RAPGEF1: variants seen among roughly 807,000 people sequenced by gnomAD.
RAPGEF1 encodes the protein CRK SH3-binding GNRP.
In RAPGEF1, 33 loss-of-function variants were observed where a neutral mutation model predicts 143.3. The observed-to-expected ratio is 0.23, with a 90% confidence interval of 0.17 to 0.31. The LOEUF (loss-of-function observed/expected upper bound fraction) is 0.31. Ranked by LOEUF, RAPGEF1 falls within the 10% of genes least tolerant of loss-of-function variation. The probability of loss-of-function intolerance (pLI) is 1.00; values close to 1 mark genes in which losing one functional copy is unlikely to be tolerated. For synonymous variants in RAPGEF1, 629 were observed against 676.5 expected, an observed-to-expected ratio of 0.93 and a Z score of 1.09; for missense variants, 1,199 against 1,645.4, an observed-to-expected ratio of 0.73 and a Z score of 4.69.
At chr9:131,728,179 A>T (rs1184025278) in intron 1 of RAPGEF1, among the ~76,000 whole-genome samples, 1 of 152,206 alleles carries the variant, frequency 6.6e-6, no homozygotes, top group African/African-American at 2.4e-5. Context: ...TTTACTGTGA[A>T]AGTTAATCAA....
At chr9:131,654,905 G>A (rs751257327) in intron 1 of RAPGEF1, among the ~76,000 whole-genome samples, 6 of 152,126 alleles carry the variant, frequency 3.9e-5, no homozygotes, top group Non-Finnish European at 7.4e-5. Context: ...TGAAAATTAA[G>A]CAACAAAACA....
Position 131,638,725 on chromosome 9 carries a change from G to A in RAPGEF1, c.561C>T (p.Asp187=), listed in dbSNP as rs776689445. The change falls in exon 5 of 27, where the codon GAC becomes GAT. Residue 187 remains aspartate, a synonymous_variant. Coordinates refer to ENST00000683357, the MANE Select transcript of RAPGEF1 (RefSeq NM_001377935.1). The stretch of plus-strand genomic sequence containing the variant: ...AGTTCACGCCTTCCAGCATCACTTG[G>A]TCAGACCAGCGAATGAGGTTGGCGA... ...QSLANLIRWS[D]QVMLEGVNSE... The A allele has an allele frequency of 1.9e-6, 3 of 1,614,020 alleles. No individual in the cohort carries two copies. The highest frequency in any genetic ancestry group is 1.7e-6 in the Non-Finnish European group (2 of 1,179,884).
chr9:131,673,498 T>C (rs1831734760), intron 1 of RAPGEF1, among the ~76,000 whole-genome samples: 1 of 152,236 alleles, frequency 6.6e-6, no homozygotes, highest in Non-Finnish European at 1.5e-5. Flanking sequence ...CATTCTAAGA[T>C]GATAACCACC....
intron 17 of RAPGEF1, among the ~76,000 whole-genome samples, chr9:131,595,944 G>A (rs1454252483): frequency 6.6e-6 from 1 of 152,246 alleles, no homozygotes; most frequent in African/African-American, 2.4e-5. Flanking sequence ...AGTCAGGAAA[G>A]GAATCAAAAG....
At chr9:131,706,382 C>T (rs1253417256) in intron 1 of RAPGEF1, among the ~76,000 whole-genome samples, 1 of 152,124 alleles carries the variant, frequency 6.6e-6, no homozygotes, top group East Asian at 1.9e-4. Context: ...CCCACCTCAG[C>T]CTCCTGAGTA....
At position 131,628,032 on chromosome 9, in the gene RAPGEF1, TCTC is replaced by T. The variant is rs753837687; in HGVS notation, c.1079_1081del (p.Gly360del). 6 of 1,564,640 alleles carry T rather than the reference TCTC, an allele frequency of 3.8e-6. No homozygotes were observed. Among genetic ancestry groups the T allele is most frequent in the Non-Finnish European group, 5.2e-6 (6 of 1,155,206 alleles). The stretch of plus-strand genomic sequence containing the variant: ...GCTGCAGGGGGAGAGGCGGGGCGAC[TCTC>T]CACCATATGAGTGGCTGCCTCCTGA... On this transcript the variant is annotated inframe_deletion, in exon 9 of 27. Coordinates refer to ENST00000683357, the MANE Select transcript of RAPGEF1 (RefSeq NM_001377935.1). The surrounding 1 kb of genome is among the most constrained non-coding windows in gnomAD (Gnocchi z 5.7).
At chr9:131,654,068 G>T (rs1239224768) in intron 1 of RAPGEF1, among the ~76,000 whole-genome samples, 1 of 152,208 alleles carries the variant, frequency 6.6e-6, no homozygotes, top group Non-Finnish European at 1.5e-5. Flanking sequence ...GAAATGTCCA[G>T]AATAGGCAAA....
At chr9:131,657,790 T>C (rs1972884664) in intron 1 of RAPGEF1, among the ~76,000 whole-genome samples, 1 of 152,244 alleles carries the variant, frequency 6.6e-6, no homozygotes, top group African/African-American at 2.4e-5. Flanking sequence ...ATCTCTTCCC[T>C]ACAGGCAGCC....
At position 131,675,359 on chromosome 9, in the gene RAPGEF1, G is replaced by A. The variant is rs1011403006; in HGVS notation, c.62-24410C>T. Among the ~76,000 whole-genome samples, 1 of 152,210 alleles carries A rather than the reference G, an allele frequency of 6.6e-6. No individual in the cohort carries two copies. ...GCGAGGCTGTGGAGGAGGGCTCTGCGGGAGCAGGGAGCCCGGCAGCTTCCT... is the reference window on the plus strand; with the variant it reads ...GCGAGGCTGTGGAGGAGGGCTCTGCAGGAGCAGGGAGCCCGGCAGCTTCCT... On this transcript the variant is annotated intron_variant, in intron 1 of 26. Transcript: ENST00000683357. The surrounding 1 kb of genome is among the most constrained non-coding windows in gnomAD (Gnocchi z 4.6).
intron 1 of RAPGEF1, among the ~76,000 whole-genome samples, chr9:131,672,074 G>A (rs1831494087): frequency 6.6e-6 from 1 of 152,154 alleles, no homozygotes; most frequent in African/African-American, 2.4e-5. Flanking sequence ...TGGTGGTGAA[G>A]ACCGCAAACC....
At chr9:131,604,199 T>C in intron 13 of RAPGEF1, 146 bp from the exon 14 acceptor site, 1 of 394,698 alleles carries the variant, frequency 2.5e-6, no homozygotes, top group Non-Finnish European at 4.8e-6. Context: ...GCCTCTGTGC[T>C]AGAGGGGATC....
chr9:131,627,404 G>A (rs2133016220), intron 9 of RAPGEF1, among the ~76,000 whole-genome samples: 2 of 152,022 alleles, frequency 1.3e-5, no homozygotes, highest in South Asian at 4.2e-4. Context: ...ATGCTCCTAG[G>A]ATACATTCTC....
rs542149101 is a variant in RAPGEF1, at chr9:131,695,931, T to C, written c.61+43839A>G. On this transcript the variant is annotated intron_variant, in intron 1 of 26. Transcript: ENST00000683357. Reference sequence around the variant, plus strand: ...CGCACCCCGTTCCCTGCTGCAGATTTTATAATGACCTGAAAGGCAGAGTGG... The same window carrying C: ...CGCACCCCGTTCCCTGCTGCAGATTCTATAATGACCTGAAAGGCAGAGTGG... 3.5e-4 allele frequency among the ~76,000 whole-genome samples: 54 copies of C among 152,328 alleles called. 1 individual carries two copies. The South Asian group carries it at 0.011, about 30-fold the overall frequency.
intron 12 of RAPGEF1, among the ~76,000 whole-genome samples, chr9:131,608,398 G>A (rs1464478565): frequency 2.0e-5 from 3 of 152,214 alleles, no homozygotes; most frequent in Admixed American, 2.0e-4. Flanking sequence ...AAGGTGTCTA[G>A]AATATTACCT....
intron 1 of RAPGEF1, among the ~76,000 whole-genome samples, chr9:131,737,857 C>T (rs548529594): frequency 2.8e-4 from 37 of 134,414 alleles, no homozygotes; most frequent in East Asian, 1.9e-3. Flanking sequence ...CCCAGCTACT[C>T]GGGAGGCTGA....
intron 1 of RAPGEF1, among the ~76,000 whole-genome samples, chr9:131,673,104 T>A (rs2130811428): frequency 6.6e-6 from 1 of 152,324 alleles, no homozygotes; most frequent in Admixed American, 6.5e-5. Flanking sequence ...TGCCCTCAAA[T>A]AACTGCACTA....
intron 17 of RAPGEF1, among the ~76,000 whole-genome samples, chr9:131,595,837 T>A (rs968953104): frequency 6.6e-6 from 1 of 152,216 alleles, no homozygotes; most frequent in Non-Finnish European, 1.5e-5. Flanking sequence ...TGCTACAGAA[T>A]TGAAGGTTCC....
At chr9:131,714,073 G>T (rs1564194769) in intron 1 of RAPGEF1, among the ~76,000 whole-genome samples, 1 of 151,780 alleles carries the variant, frequency 6.6e-6, no homozygotes, top group Non-Finnish European at 1.5e-5. Flanking sequence ...TTAAGAGACA[G>T]GGTCTCCCTA....
intron 1 of RAPGEF1, among the ~76,000 whole-genome samples, chr9:131,662,343 G>A (rs918741394): frequency 2.1e-4 from 32 of 152,240 alleles, no homozygotes; most frequent in African/African-American, 7.7e-4. Flanking sequence ...TTGCCTATAT[G>A]TTGTCTACAG....
Sources: allele counts gnomAD v4.1 joint callset (sites outside exome capture counted in the v4.1 genomes callset), GRCh38; gene constraint gnomAD v4.1.1; non-coding constraint Gnocchi (gnomAD v3.1); transcripts MANE v1.5; gene names NCBI Gene and HGNC (gene_info 2026-07-23, HGNC 2026-07-21).